RYR2: variants seen among roughly 807,000 people sequenced by gnomAD.
RYR2 encodes the protein ryanodine receptor 2.
RYR2 carries 227 observed loss-of-function variants against 601.1 expected under a neutral mutation model. The ratio of observed to expected loss-of-function variants is 0.38; its 90% CI spans 0.34 to 0.42. RYR2 has a LOEUF of 0.42. RYR2 is among the 10% of genes least tolerant of loss of function. RYR2 has a pLI of 1.00. For missense variants in RYR2, 4,646 were observed against 6,156.5 expected, an observed-to-expected ratio of 0.75 and a Z score of 8.21; for synonymous variants, 2,223 against 2,175.1, an observed-to-expected ratio of 1.02 and a Z score of -0.61.
chr1:237,384,950 C>T (rs565534585), intron 8 of RYR2, among the ~76,000 whole-genome samples: 7 of 152,138 alleles, frequency 4.6e-5, no homozygotes, highest in South Asian at 2.1e-4. Context: ...AGTGCAGTGG[C>T]GTGATCTCGG....
At chr1:237,592,645 A>AT (rs35910955) in intron 32 of RYR2, among the ~76,000 whole-genome samples, 54,033 of 149,246 alleles carry the variant, frequency 0.36, 11,613 homozygotes, top group Admixed American at 0.48. Flanking sequence ...AAAAAAAAAA[A>AT]GTGAGCTTAA....
intron 27 of RYR2, among the ~76,000 whole-genome samples, chr1:237,564,429 C>G (rs1486529492): frequency 1.3e-5 from 2 of 151,876 alleles, no homozygotes; most frequent in Non-Finnish European, 2.9e-5. Flanking sequence ...GCCACCAGGC[C>G]CTGATGATTT....
intron 1 of RYR2, among the ~76,000 whole-genome samples, chr1:237,100,781 C>G (rs1667997515): frequency 6.6e-6 from 1 of 152,148 alleles, no homozygotes; most frequent in South Asian, 2.1e-4. Context: ...TTTCCAGAGT[C>G]AGTCCCCAAT....
intron 66 of RYR2, among the ~76,000 whole-genome samples, chr1:237,704,468 A>G (rs1236328857): frequency 6.6e-6 from 1 of 152,020 alleles, no homozygotes; most frequent in African/African-American, 2.4e-5. Context: ...CTGTTCTATT[A>G]TTTGATTTTT....
At chr1:237,539,357 CCCTTGGG>C (rs1295809707) in intron 25 of RYR2, among the ~76,000 whole-genome samples, 1 of 152,154 alleles carries the variant, frequency 6.6e-6, no homozygotes, top group Non-Finnish European at 1.5e-5. Flanking sequence ...CTACACGCAA[CCCTTGGG>C]CTATGGTCTA....
intron 2 of RYR2, among the ~76,000 whole-genome samples, chr1:237,294,337 T>A (rs1692532714): frequency 6.6e-6 from 1 of 152,074 alleles, no homozygotes; most frequent in South Asian, 2.1e-4. Context: ...CTCAGTATTT[T>A]AAAAATGCAT....
chr1:237,655,441 A>T (rs889136613), intron 52 of RYR2, among the ~76,000 whole-genome samples: 3 of 152,150 alleles, frequency 2.0e-5, no homozygotes, highest in Non-Finnish European at 4.4e-5. Flanking sequence ...ATGTTTTTTT[A>T]TATGTAGTCA....
In RYR2 at chr1:237,610,573, A is replaced by G. The variant is rs1677732570; in HGVS notation, c.4684-189A>G. Among the ~76,000 whole-genome samples, 1 of 152,136 alleles carries G rather than the reference A, an allele frequency of 6.6e-6. No homozygotes were observed. The highest frequency in any genetic ancestry group is 1.5e-5 in the Non-Finnish European group (1 of 68,024). Reference sequence around the variant, plus strand: ...GAAGGTGTAGGTATTCTCTCTCATAATGTATTTCCTGGTTTGTCCTTTCAG... The same window carrying G: ...GAAGGTGTAGGTATTCTCTCTCATAGTGTATTTCCTGGTTTGTCCTTTCAG... On this transcript the variant is annotated intron_variant, in intron 35 of 104. Transcript: ENST00000366574. The surrounding 1 kb of genome is among the most constrained non-coding windows in gnomAD (Gnocchi z 4.9).
intron 29 of RYR2, among the ~76,000 whole-genome samples, chr1:237,587,940 T>C (rs1463202596): frequency 6.6e-6 from 1 of 152,328 alleles, no homozygotes; most frequent in East Asian, 1.9e-4. Flanking sequence ...TCCTAGTTTA[T>C]GTTAAATGGG....
intron 87 of RYR2, among the ~76,000 whole-genome samples, chr1:237,776,719 G>C (rs920241728): frequency 1.1e-4 from 16 of 152,040 alleles, no homozygotes; most frequent in African/African-American, 3.6e-4. Flanking sequence ...GTGGGAGAGA[G>C]GAGGTATGGG....
intron 67 of RYR2, 66 bp from the exon 68 acceptor site, chr1:237,706,883 G>A (rs1187847561): frequency 2.2e-6 from 3 of 1,364,920 alleles, no homozygotes; most frequent in South Asian, 2.6e-5. Context: ...AGTTGCCTGT[G>A]GAAATCCGCC....
chr1:237,153,576 T>G (rs1373026606), intron 1 of RYR2, among the ~76,000 whole-genome samples: 2 of 151,474 alleles, frequency 1.3e-5, no homozygotes, highest in African/African-American at 2.4e-5. Flanking sequence ...TTATAGATAG[T>G]CTGGGGGATG....
At chr1:237,401,103 C>T (rs973666631) in intron 10 of RYR2, among the ~76,000 whole-genome samples, 2 of 152,170 alleles carry the variant, frequency 1.3e-5, no homozygotes, top group African/African-American at 4.8e-5. Flanking sequence ...TATGAGATTA[C>T]TATGGCCCTC....
intron 1 of RYR2, among the ~76,000 whole-genome samples, chr1:237,171,427 C>T (rs1677380973): frequency 6.6e-6 from 1 of 152,058 alleles, no homozygotes; most frequent in African/African-American, 2.4e-5. Context: ...CTAAGCCTGT[C>T]CTGTTGATGA....
chr1:237,429,307 C>A (rs6429013), intron 12 of RYR2, among the ~76,000 whole-genome samples: 127,950 of 152,130 alleles, frequency 0.84, 54,382 homozygotes, highest in East Asian at 1. Flanking sequence ...ACCAAGTGGC[C>A]GGGCTAGGAA....
In RYR2 at chr1:237,719,883, A is replaced by G. The variant is rs150332780; in HGVS notation, c.10554+1362A>G. On this transcript the variant is annotated intron_variant, in intron 73 of 104. Coordinates refer to ENST00000366574, the MANE Select transcript of RYR2 (RefSeq NM_001035.3). ...CCAACACTGAGGATTACATTTCCAC[A>G]TGAGATTTGGGCAGGGACACAGATC... Among the ~76,000 whole-genome samples, 479 of 152,238 alleles carry G rather than the reference A, an allele frequency of 3.1e-3. 1 individual carries two copies. Among genetic ancestry groups the G allele is most frequent in the African/African-American group, 0.01 (432 of 41,538 alleles).
intron 74 of RYR2, among the ~76,000 whole-genome samples, chr1:237,724,503 T>C (rs569953062): frequency 6.6e-6 from 1 of 151,894 alleles, no homozygotes; most frequent in Admixed American, 6.6e-5. Context: ...CTTGATGAGA[T>C]TAAAGTCACT....
At chr1:237,725,390 G>A (rs1690108308) in intron 74 of RYR2, among the ~76,000 whole-genome samples, 1 of 152,126 alleles carries the variant, frequency 6.6e-6, no homozygotes, top group African/African-American at 2.4e-5. Context: ...AGTCACAGAG[G>A]AGCGTGCAAA....
At chr1:237,467,840 G>T (rs1461969234) in intron 16 of RYR2, among the ~76,000 whole-genome samples, 3 of 149,814 alleles carry the variant, frequency 2.0e-5, no homozygotes, top group African/African-American at 7.4e-5. Flanking sequence ...GCTTGCATCA[G>T]CTACCAGATT....
Sources: gnomAD v4.1 joint callset for allele counts (sites outside exome capture counted in the v4.1 genomes callset) on GRCh38, gnomAD v4.1.1 for gene constraint, Gnocchi (gnomAD v3.1) non-coding constraint, MANE v1.5 for transcripts, NCBI Gene and HGNC (gene_info 2026-07-23, HGNC 2026-07-21) for gene names.